The following GABRG2 variants were observed in gnomAD, a reference collection of about 807,000 sequenced individuals.
The protein encoded by GABRG2 is gamma-aminobutyric acid type A receptor subunit gamma2, also known as gamma-aminobutyric acid receptor subunit gamma-2.
GABRG2 carries 16 observed loss-of-function variants against 56.4 expected under a neutral mutation model. The observed-to-expected ratio is 0.28, with a 90% confidence interval of 0.19 to 0.43. The LOEUF (loss-of-function observed/expected upper bound fraction) is 0.43. Ranked by LOEUF, GABRG2 falls within the 20% of genes least tolerant of loss-of-function variation. GABRG2 has a pLI of 1.00. For missense variants in GABRG2, 327 were observed against 582.7 expected (o/e 0.56, Z 4.52); for synonymous variants, 208 against 205.5 (o/e 1.01, Z -0.10).
chr5:162,116,787 G>A (rs958704516), intron 6 of GABRG2, among the ~76,000 whole-genome samples: 2 of 150,624 alleles, frequency 1.3e-5, no homozygotes, highest in Non-Finnish European at 1.5e-5. Context: ...AGTGGGGCAG[G>A]CAATACTCTG....
chr5:162,075,566 A>G (rs1759029216), intron 1 of GABRG2, among the ~76,000 whole-genome samples: 1 of 152,102 alleles, frequency 6.6e-6, no homozygotes, highest in Non-Finnish European at 1.5e-5. Context: ...AACAGAAGAG[A>G]TGCCATTGAT....
In GABRG2 at chr5:162,120,234, A is replaced by T. The variant is rs113348483; in HGVS notation, c.769+16208A>T. Among the ~76,000 whole-genome samples, 1,340 of 152,218 alleles carry T rather than the reference A, an allele frequency of 8.8e-3. 17 individuals are homozygous for T. The highest frequency in any genetic ancestry group is 0.03 in the African/African-American group (1,229 of 41,546). ...TTTTTGGCCCATGGAAGTACCAGGC[A>T]CAACCTTTGCACCCATACATCTGTC... On this transcript the variant is annotated intron_variant, in intron 6 of 9. Coordinates refer to ENST00000639213, the MANE Select transcript of GABRG2 (RefSeq NM_198904.4).
chr5:162,093,715 G>A, intron 1 of GABRG2, 113 bp from the exon 2 acceptor site: 1 of 1,018,984 alleles, frequency 9.8e-7, no homozygotes, highest in East Asian at 2.5e-5. Context: ...AGAATTTTCA[G>A]TTTAAACATT....
At chr5:162,137,265 C>T (rs1331293942) in intron 6 of GABRG2, among the ~76,000 whole-genome samples, 1 of 152,134 alleles carries the variant, frequency 6.6e-6, no homozygotes, top group Non-Finnish European at 1.5e-5. Context: ...CTTTTTGTTT[C>T]TGTAGTGTTT....
intron 6 of GABRG2, among the ~76,000 whole-genome samples, chr5:162,122,094 G>C (rs1763016543): frequency 6.6e-6 from 1 of 151,948 alleles, no homozygotes; most frequent in Admixed American, 6.6e-5. Flanking sequence ...GAAATTGGAA[G>C]AGTTCCAGAC....
chr5:162,118,602 T>C (rs1210557083), intron 6 of GABRG2, among the ~76,000 whole-genome samples: 1 of 151,244 alleles, frequency 6.6e-6, no homozygotes, highest in Non-Finnish European at 1.5e-5. Context: ...TCTCTCTATA[T>C]ATCTATATCT....
chr5:162,151,210 CA>C (rs1765349791), intron 8 of GABRG2: 1 of 154,908 alleles, frequency 6.5e-6, no homozygotes, highest in South Asian at 2.0e-4. Flanking sequence ...CAGAGGAGAA[CA>C]GGATAAAAAT....
chr5:162,121,138 A>C (rs1762953136), intron 6 of GABRG2, among the ~76,000 whole-genome samples: 1 of 152,134 alleles, frequency 6.6e-6, no homozygotes, highest in Non-Finnish European at 1.5e-5. Flanking sequence ...CAATTTGAAG[A>C]GTAGATGCTC....
chr5:162,082,235 A>G (rs1219039354), intron 1 of GABRG2, among the ~76,000 whole-genome samples: 1 of 151,824 alleles, frequency 6.6e-6, no homozygotes, highest in East Asian at 1.9e-4. Context: ...TATGCACATT[A>G]GTGTTGCAGC....
intron 6 of GABRG2, among the ~76,000 whole-genome samples, chr5:162,130,070 C>T (rs747357808): frequency 4.6e-5 from 7 of 151,690 alleles, no homozygotes; most frequent in Non-Finnish European, 1.0e-4. Flanking sequence ...TGAGCTTTTT[C>T]GAACCAACTC....
intron 1 of GABRG2, among the ~76,000 whole-genome samples, chr5:162,087,275 G>A (rs922068863): frequency 1.3e-5 from 2 of 151,922 alleles, no homozygotes; most frequent in Non-Finnish European, 2.9e-5. Flanking sequence ...ATTTTAATTT[G>A]GTATCTGTGA....
intron 6 of GABRG2, among the ~76,000 whole-genome samples, chr5:162,105,221 G>A (rs919840398): frequency 1.3e-5 from 2 of 152,058 alleles, no homozygotes; most frequent in South Asian, 2.1e-4. Context: ...TTTATGATTC[G>A]ATTCTACTTT....
intron 3 of GABRG2, among the ~76,000 whole-genome samples, chr5:162,096,939 A>T (rs1581348891): frequency 1.3e-5 from 2 of 152,244 alleles, no homozygotes; most frequent in East Asian, 3.9e-4. Context: ...GTAAGTAAAT[A>T]GTGAAAAAAA....
chr5:162,127,450 A>G (rs1009302485), intron 6 of GABRG2, among the ~76,000 whole-genome samples: 2 of 151,898 alleles, frequency 1.3e-5, no homozygotes, highest in African/African-American at 4.8e-5. Context: ...AAGATTATAA[A>G]ATTTGGGGTA....
At chr5:162,114,750 A>G (rs1165193813) in intron 6 of GABRG2, among the ~76,000 whole-genome samples, 1 of 152,202 alleles carries the variant, frequency 6.6e-6, no homozygotes, top group Non-Finnish European at 1.5e-5. Flanking sequence ...ATAAATATCT[A>G]ACATAAGCAA....
At chr5:162,079,391 A>C (rs1490497324) in intron 1 of GABRG2, among the ~76,000 whole-genome samples, 1 of 152,226 alleles carries the variant, frequency 6.6e-6, no homozygotes, top group Admixed American at 6.5e-5. Context: ...AGAAGTGCAC[A>C]TGCACGTAAA....
rs371601817 is a variant in GABRG2 at position 162,149,187 on chromosome 5, G to A, written c.1002G>A (p.Ala334=). 2.5e-5 allele frequency: 40 copies of A among 1,613,946 alleles called. 1 individual carries two copies. Among genetic ancestry groups the A allele is most frequent in the South Asian group, 1.9e-4 (17 of 91,088 alleles). Residue 334 remains alanine, a synonymous_variant, in exon 8 of 10, where the codon GCG becomes GCA. Coordinates refer to ENST00000639213, the MANE Select transcript of GABRG2 (RefSeq NM_198904.4). The part of the protein sequence containing the change: ...KSLPKVSYVT[A]MDLFVSVCFI... ...TCCCCAAGGTCTCCTATGTCACAGC[G>A]ATGGATCTCTTTGTATCTGTTTGTT...
At chr5:162,090,534 C>A (rs991222810) in intron 1 of GABRG2, among the ~76,000 whole-genome samples, 1 of 152,056 alleles carries the variant, frequency 6.6e-6, no homozygotes, top group African/African-American at 2.4e-5. Flanking sequence ...GCTGCTGTGG[C>A]CCCAGGCTCT....
rs1271699934 is a variant in GABRG2 at position 162,154,426 on chromosome 5, A to G, written c.*1058A>G. On this transcript the variant is annotated 3_prime_UTR_variant, in exon 10 of 10. Coordinates refer to ENST00000639213, the MANE Select transcript of GABRG2 (RefSeq NM_198904.4). ...TGCTCAATAAATATGGTTTGAAGTG[A>G]ATTGCCCTCACATGCTTCTGGCAAA... 1 of 152,116 alleles carries G rather than the reference A, an allele frequency of 6.6e-6. No individual in the cohort carries two copies. Among genetic ancestry groups the G allele is most frequent in the Non-Finnish European group, 1.5e-5 (1 of 68,022 alleles). 9.4% of individuals were successfully genotyped at this position (152,116 alleles called of 1,614,324 possible).
Sources: allele counts gnomAD v4.1 joint callset (sites outside exome capture counted in the v4.1 genomes callset), GRCh38; gene constraint gnomAD v4.1.1; transcripts MANE v1.5; gene names NCBI Gene and HGNC (gene_info 2026-07-23, HGNC 2026-07-21).